The following MTMR3 variants were observed in gnomAD, a reference collection of about 807,000 sequenced individuals.
MTMR3 encodes the protein phosphatidylinositol-3,5-bisphosphate 3-phosphatase MTMR3.
Under a neutral mutation model 132.4 loss-of-function variants are expected in MTMR3, and 32 were observed. The observed-to-expected ratio is 0.24, with a 90% CI of 0.18 to 0.32. MTMR3 has a LOEUF of 0.32. MTMR3 is among the 10% of genes least tolerant of loss of function. The probability of loss-of-function intolerance (pLI) is 1.00; values close to 1 mark genes in which losing one functional copy is unlikely to be tolerated. For synonymous variants in MTMR3, 556 were observed against 550.3 expected (o/e 1.01, Z -0.14); for missense variants, 1,216 against 1,489.6 (o/e 0.82, Z 3.02).
chr22:29,915,467 G>C (rs758941223), intron 1 of MTMR3, among the ~76,000 whole-genome samples: 20 of 152,104 alleles, frequency 1.3e-4, no homozygotes, highest in Non-Finnish European at 2.5e-4. Context: ...TGCCACCCAG[G>C]CTGGAGTGCA....
In MTMR3 at chr22:29,971,145, T is replaced by C. The variant is rs1319074127; in HGVS notation, c.3+83T>C. 5 of 1,394,184 alleles carry C rather than the reference T, an allele frequency of 3.6e-6. No individual in the cohort carries two copies. In the East Asian group the frequency reaches 9.3e-5, roughly 26 times the overall value. 86.4% of individuals were successfully genotyped at this position (1,394,184 alleles called of 1,614,324 possible). ...TAAGTGAACACTAATAAATTCATAC[T>C]TACCCATTTTTGTTTTTGTAAGAAA... On this transcript the variant is annotated intron_variant, in intron 3 of 19. Coordinates refer to ENST00000401950, the MANE Select transcript of MTMR3 (RefSeq NM_021090.4).
chr22:29,938,392 C>G (rs1269477869), intron 1 of MTMR3, among the ~76,000 whole-genome samples: 1 of 152,200 alleles, frequency 6.6e-6, no homozygotes, highest in African/African-American at 2.4e-5. Context: ...CTGACTCATT[C>G]CTGAATTTCT....
chr22:29,899,692 ACTC>A (rs960103490), intron 1 of MTMR3: 1 of 152,184 alleles, frequency 6.6e-6, no homozygotes, highest in Middle Eastern at 3.2e-3. Flanking sequence ...TGAAGCGAGC[ACTC>A]CATTTCTGTA....
At position 30,025,832 on chromosome 22, in the gene MTMR3, G is replaced by A. The variant is rs1432276049; in HGVS notation, c.*31G>A. 1.2e-6 allele frequency: 2 copies of A among 1,611,650 alleles called. No homozygotes were observed. Among genetic ancestry groups the A allele is most frequent in the Non-Finnish European group, 8.5e-7 (1 of 1,178,958 alleles). On this transcript the variant is annotated 3_prime_UTR_variant, in exon 20 of 20. Coordinates refer to ENST00000401950, the MANE Select transcript of MTMR3 (RefSeq NM_021090.4). ...AGTGACCTGGGTGGGCAGTGGCCAA[G>A]CTGCTGTTCCTATGACAGGCCCACT...
At chr22:29,911,925 T>G (rs994205281) in intron 1 of MTMR3, among the ~76,000 whole-genome samples, 1 of 152,164 alleles carries the variant, frequency 6.6e-6, no homozygotes, top group Non-Finnish European at 1.5e-5. Context: ...AGCAAAGATA[T>G]AAAGTCAGTA....
chr22:30,025,798 CT>C lies in MTMR3; in HGVS notation c.3595del (p.Ter1199GlufsTer4), dbSNP rs1865236891. On this transcript the variant is annotated frameshift_variant and stop_lost, in exon 20 of 20. Transcript: ENST00000401950. LOFTEE classifies it high-confidence loss of function. ...ATAAGCCCATTGCTGCCACTTCCAACTGAAGCTCAGTGACCTGGGTGGGCAG... is the reference window on the plus strand; with the variant it reads ...ATAAGCCCATTGCTGCCACTTCCAACGAAGCTCAGTGACCTGGGTGGGCAG... ...LDKPIAATSN[*>X] is the part of the protein sequence containing the mutation. The C allele has an allele frequency of 6.2e-7, 1 of 1,613,854 alleles. No individual in the cohort carries two copies. Among genetic ancestry groups the C allele is most frequent in the South Asian group, 1.1e-5 (1 of 91,078 alleles).
intron 18 of MTMR3, 58 bp from the exon 19 acceptor site, chr22:30,022,550 GC>G: frequency 6.8e-7 from 1 of 1,473,566 alleles, no homozygotes; most frequent in Non-Finnish European, 9.5e-7. Flanking sequence ...GCATGGCTCT[GC>G]TGGCTCCAGC....
In MTMR3 at chr22:30,022,050, A is replaced by C. The variant is rs776598078; in HGVS notation, c.3247A>C (p.Ser1083Arg). 6.2e-7 allele frequency: 1 copy of C among 1,614,084 alleles called. No homozygotes were observed. The highest frequency in any genetic ancestry group is 1.3e-5 in the African/African-American group (1 of 74,928). Residue 1083 changes from serine to arginine, a missense_variant, in exon 18 of 20, where the codon AGC becomes CGC. Physicochemically the swap from Ser to Arg is moderately radical, Grantham distance 110. Transcript: ENST00000401950. The stretch of plus-strand genomic sequence containing the variant: ...ACAGACTTCAATCCCCGACTCGGAA[A>C]GCAATCTGGATCAGAACTGTTTGTC... ...DEVTSIPDSESNLDQNCLSRC... is the reference protein window; with the variant it reads ...DEVTSIPDSERNLDQNCLSRC...
Position 30,016,587 on chromosome 22 carries a change from C to G in MTMR3, c.1563C>G (p.Ala521=). 1 of 1,614,090 alleles carries G rather than the reference C, an allele frequency of 6.2e-7. No individual in the cohort carries two copies. Among genetic ancestry groups the G allele is most frequent in the Non-Finnish European group, 8.5e-7 (1 of 1,180,018 alleles). ...TTGGAACATTCCTGTGCAACAACGC[C>G]AAGGAGAGAGGGGAAAAGCATACTC... ...CLFGTFLCNN[A]KERGEKHTQE... is the part of the protein sequence containing the mutation. The change falls in exon 15 of 20, where the codon GCC becomes GCG. Residue 521 remains alanine (A), a synonymous_variant. Transcript: ENST00000401950.
chr22:30,002,856 C>G, intron 8 of MTMR3, 24 bp from the exon 9 acceptor site: 2 of 1,575,050 alleles, frequency 1.3e-6, no homozygotes, highest in East Asian at 2.2e-5. Context: ...CCTTGACTCT[C>G]CCCACTTCTC....
At chr22:30,013,241 G>A (rs2067480596) in intron 13 of MTMR3, 115 bp from the exon 14 acceptor site, 12 of 1,049,676 alleles carry the variant, frequency 1.1e-5, no homozygotes, top group Admixed American at 2.4e-5. Flanking sequence ...GGGCAAGGCC[G>A]GGTGGGCTTT....
rs2065660821 is a variant in MTMR3 at position 29,932,228 on chromosome 22, A to G, written c.-137-24808A>G. ...AAATTAAAGCCTGGCAGCTTTTTAG[A>G]TATGTATAGACCCATGTAACTACAC... On this transcript the variant is annotated intron_variant, in intron 1 of 19. Transcript: ENST00000401950. Among the ~76,000 whole-genome samples the G allele has an allele frequency of 2.0e-5, 3 of 152,306 alleles. No individual in the cohort carries two copies. In the Middle Eastern group the frequency reaches 0.01, roughly 518 times the overall value.
At chr22:29,893,912 C>T (rs927877985) in intron 1 of MTMR3, among the ~76,000 whole-genome samples, 1 of 152,110 alleles carries the variant, frequency 6.6e-6, no homozygotes, top group Non-Finnish European at 1.5e-5. Context: ...GTGGCGTGAT[C>T]TCAGCTCACT....
At chr22:29,998,968 A>G in intron 8 of MTMR3, 111 bp downstream of exon 8, 1 of 628,952 alleles carries the variant, frequency 1.6e-6, no homozygotes, top group Non-Finnish European at 2.6e-6. Flanking sequence ...AAATGGTTTT[A>G]TTTATTAAAT....
In MTMR3 at chr22:30,022,049, A is replaced by G; in HGVS notation, c.3246A>G (p.Glu1082=). The G allele has an allele frequency of 6.2e-7, 1 of 1,614,160 alleles. No homozygotes were observed. The highest frequency in any genetic ancestry group is 8.5e-7 in the Non-Finnish European group (1 of 1,180,008). Residue 1082 remains glutamate, a synonymous_variant, in exon 18 of 20, where the codon GAA becomes GAG. Transcript: ENST00000401950. ...AACAGACTTCAATCCCCGACTCGGA[A>G]AGCAATCTGGATCAGAACTGTTTGT... ...GDEVTSIPDS[E]SNLDQNCLSR...
chr22:29,978,998 C>T lies in MTMR3; in HGVS notation c.156C>T (p.Ile52=). The change falls in exon 5 of 20, where the codon ATC becomes ATT. Residue 52 remains isoleucine, a synonymous_variant. Coordinates refer to ENST00000401950, the MANE Select transcript of MTMR3 (RefSeq NM_021090.4). ...TEFVGRAEDA[I]IALSNYRLHI... ...TTGTGGGCCGTGCCGAGGATGCCAT[C>T]ATTGCCCTTTCCAATTACAGACTTC... 2 of 1,613,962 alleles carry T rather than the reference C, an allele frequency of 1.2e-6. No homozygotes were observed. The highest frequency in any genetic ancestry group is 1.7e-6 in the Non-Finnish European group (2 of 1,179,922).
chr22:30,007,685 C>T (rs190775621), intron 10 of MTMR3: 2 of 595,874 alleles, frequency 3.4e-6, no homozygotes, highest in Admixed American at 6.1e-5. Context: ...CCCATGTGTA[C>T]TCTGGGAGTC....
rs559217140 is a variant in MTMR3, at chr22:29,928,673, AT to A, written c.-137-28354del. ...CCTGTTGGTGTGAAGTTTAAAAAAA[AT>A]TTTTTTTTAAGTTTTTTTAAAATAG... On this transcript the variant is annotated intron_variant, in intron 1 of 19. Transcript: ENST00000401950. Among the ~76,000 whole-genome samples, 504 of 149,496 alleles carry A rather than the reference AT, an allele frequency of 3.4e-3. 1 individual carries two copies. The highest frequency in any genetic ancestry group is 0.026 in the South Asian group (124 of 4,786).
chr22:29,979,090 G>A (rs547224715), intron 5 of MTMR3, 38 bp downstream of exon 5: 2 of 1,399,940 alleles, frequency 1.4e-6, no homozygotes, highest in African/African-American at 2.8e-5. Flanking sequence ...TAAGGTAAAT[G>A]GAGAAAGTAA....
Sources: gnomAD v4.1 joint callset for allele counts (sites outside exome capture counted in the v4.1 genomes callset) on GRCh38, gnomAD v4.1.1 for gene constraint, MANE v1.5 for transcripts, NCBI Gene and HGNC (gene_info 2026-07-23, HGNC 2026-07-21) for gene names.